Variants in SLIT3 observed in about 807,000 individuals in gnomAD.
SLIT3 encodes slit guidance ligand 3, also known as slit homolog 3 protein.
A neutral mutation model predicts 184.0 loss-of-function variants in SLIT3; 68 were observed. The ratio of observed to expected loss-of-function variants is 0.37; its 90% CI spans 0.30 to 0.45. The LOEUF is 0.45. Among genes scored for constraint, SLIT3 ranks in the 20% least tolerant of loss-of-function variants. The probability of loss-of-function intolerance (pLI) is 1.00; values close to 1 mark genes in which losing one functional copy is unlikely to be tolerated. For synonymous variants in SLIT3, 831 were observed against 828.6 expected, an observed-to-expected ratio of 1.00 and a Z score of -0.05; for missense variants, 1,707 against 2,026.0, an observed-to-expected ratio of 0.84 and a Z score of 3.02.
At chr5:169,186,749 AGGC>A in intron 4 of SLIT3, among the ~76,000 whole-genome samples, 1 of 152,304 alleles carries the variant, frequency 6.6e-6, no homozygotes, top group Admixed American at 6.5e-5. Context: ...GAATATGAAG[AGGC>A]GGCGCAGACT....
intron 4 of SLIT3, among the ~76,000 whole-genome samples, chr5:169,050,195 T>C (rs1757767272): frequency 6.6e-6 from 1 of 152,228 alleles, no homozygotes; most frequent in African/African-American, 2.4e-5. Flanking sequence ...TCCTACTTAC[T>C]GCCCAAACCT....
intron 10 of SLIT3, among the ~76,000 whole-genome samples, chr5:168,794,946 T>C (rs186239111): frequency 1.3e-5 from 2 of 152,302 alleles, no homozygotes; most frequent in East Asian, 3.9e-4. Context: ...CCATCACTGA[T>C]ACTCTGATTT....
At chr5:168,768,787 T>G (rs926721914) in intron 14 of SLIT3, among the ~76,000 whole-genome samples, 2 of 152,156 alleles carry the variant, frequency 1.3e-5, no homozygotes, top group African/African-American at 4.8e-5. Flanking sequence ...CCCTTTGACA[T>G]TCCACAATTC....
At chr5:169,011,412 A>T (rs1756147593) in intron 4 of SLIT3, among the ~76,000 whole-genome samples, 1 of 152,186 alleles carries the variant, frequency 6.6e-6, no homozygotes, top group African/African-American at 2.4e-5. Flanking sequence ...GCTTTGGTTT[A>T]TCATCTTCCA....
rs1762995729 is a variant in SLIT3 at position 168,723,099 on chromosome 5, T to TGGGTAGATGAGTG, written c.2340-96_2340-95insCACTCATCTACCC. 9 of 824,304 alleles carry TGGGTAGATGAGTG rather than the reference T, an allele frequency of 1.1e-5. No individual in the cohort carries two copies. The African/African-American group carries it at 1.3e-4, about 12-fold the overall frequency. The allele number at this position is 824,304 out of a possible 1,614,324, so 51.1% of individuals were successfully genotyped here. On this transcript the variant is annotated intron_variant, in intron 21 of 35. Coordinates refer to ENST00000519560, the MANE Select transcript of SLIT3 (RefSeq NM_003062.4). The stretch of plus-strand genomic sequence containing the variant: ...TCACACATACCTGCCATCCACCCAC[T>TGGGTAGATGAGTG]CATCTACCCATCCACCCATCCACCC...
At chr5:168,956,466 C>T (rs1381476689) in intron 4 of SLIT3, among the ~76,000 whole-genome samples, 1 of 152,048 alleles carries the variant, frequency 6.6e-6, no homozygotes, top group Admixed American at 6.6e-5. Context: ...TACCTTTTAC[C>T]TACAATGAGA....
intron 4 of SLIT3, among the ~76,000 whole-genome samples, chr5:168,893,878 G>A (rs1389115871): frequency 6.6e-6 from 1 of 152,186 alleles, no homozygotes; most frequent in Non-Finnish European, 1.5e-5. Context: ...GTATCCCATA[G>A]GTGAAGATCT....
intron 5 of SLIT3, among the ~76,000 whole-genome samples, chr5:168,857,451 G>A (rs1015053935): frequency 1.3e-5 from 2 of 152,078 alleles, no homozygotes. Context: ...GTTTGCTCAG[G>A]AATCAGATGA....
At chr5:168,977,558 T>C (rs1754810941) in intron 4 of SLIT3, among the ~76,000 whole-genome samples, 1 of 152,106 alleles carries the variant, frequency 6.6e-6, no homozygotes, top group Admixed American at 6.5e-5. Flanking sequence ...TCCATGACAT[T>C]TGAATTACAG....
intron 4 of SLIT3, among the ~76,000 whole-genome samples, chr5:168,916,018 A>G (rs1358622399): frequency 6.6e-6 from 1 of 152,362 alleles, no homozygotes; most frequent in African/African-American, 2.4e-5. Flanking sequence ...CACAACGTGC[A>G]GGTTTGTTAC....
chr5:169,073,698 T>G (rs1279342625), intron 4 of SLIT3, among the ~76,000 whole-genome samples: 1 of 151,982 alleles, frequency 6.6e-6, no homozygotes, highest in Non-Finnish European at 1.5e-5. Context: ...GCTGGCGGTT[T>G]AAAAGAGCCT....
At chr5:168,811,823 C>T (rs1006424541) in intron 8 of SLIT3, among the ~76,000 whole-genome samples, 2 of 152,162 alleles carry the variant, frequency 1.3e-5, no homozygotes, top group African/African-American at 4.8e-5. Context: ...TCATAAAATT[C>T]AAAACAGAAG....
intron 27 of SLIT3, among the ~76,000 whole-genome samples, chr5:168,698,959 CA>C (rs904125971): frequency 6.6e-6 from 1 of 152,206 alleles, no homozygotes. Context: ...ATGGGAGAAA[CA>C]CAGTTGCCTG....
At chr5:169,257,976 G>A (rs1265091142) in intron 1 of SLIT3, among the ~76,000 whole-genome samples, 1 of 152,100 alleles carries the variant, frequency 6.6e-6, no homozygotes. Flanking sequence ...CCCATACTAC[G>A]CACCAGGTAC....
intron 4 of SLIT3, among the ~76,000 whole-genome samples, chr5:169,048,262 C>T (rs529705977): frequency 7.9e-5 from 12 of 152,278 alleles, no homozygotes; most frequent in East Asian, 1.9e-4. Flanking sequence ...CATCCTTAAA[C>T]GGAGAATCAT....
intron 5 of SLIT3, among the ~76,000 whole-genome samples, chr5:168,877,401 G>T (rs1015851151): frequency 6.6e-6 from 1 of 152,144 alleles, no homozygotes; most frequent in African/African-American, 2.4e-5. Context: ...ATGTAAAGGA[G>T]CATGGGAAGC....
chr5:169,231,335 G>A (rs10043029), intron 3 of SLIT3, among the ~76,000 whole-genome samples: 148 of 152,182 alleles, frequency 9.7e-4, no homozygotes, highest in African/African-American at 3.2e-3. Context: ...CTGATGACAC[G>A]CCCCAGAAAT....
intron 4 of SLIT3, among the ~76,000 whole-genome samples, chr5:168,977,699 C>T (rs1754815090): frequency 6.6e-6 from 1 of 152,088 alleles, no homozygotes; most frequent in African/African-American, 2.4e-5. Flanking sequence ...TTCAACCTTC[C>T]CTTTGATTCT....
chr5:169,181,985 C>G (rs905870433), intron 4 of SLIT3, among the ~76,000 whole-genome samples: 1 of 152,104 alleles, frequency 6.6e-6, no homozygotes, highest in Non-Finnish European at 1.5e-5. Context: ...AAAGCTGACT[C>G]GTTGACTAAA....
Sources: allele counts gnomAD v4.1 joint callset (sites outside exome capture counted in the v4.1 genomes callset), GRCh38; gene constraint gnomAD v4.1.1; transcripts MANE v1.5; gene names NCBI Gene and HGNC (gene_info 2026-07-23, HGNC 2026-07-21).